The following MAST3 variants were observed in gnomAD, a reference collection of about 807,000 sequenced individuals.
The protein encoded by MAST3 is microtubule-associated serine/threonine-protein kinase 3.
MAST3 carries 43 observed loss-of-function variants against 127.0 expected under a neutral mutation model. The ratio of observed to expected loss-of-function variants is 0.34; its 90% CI spans 0.27 to 0.44. The LOEUF is 0.44. Ranked by LOEUF, MAST3 falls within the 20% of genes least tolerant of loss-of-function variation. The pLI is 1.00. For missense variants in MAST3, 1,390 were observed against 1,919.1 expected (o/e 0.72, Z 5.15); for synonymous variants, 785 against 809.2 (o/e 0.97, Z 0.51).
intron 18 of MAST3, among the ~76,000 whole-genome samples, chr19:18,136,696 G>A (rs1297554169): frequency 1.3e-5 from 2 of 152,164 alleles, no homozygotes; most frequent in East Asian, 1.9e-4. Flanking sequence ...CAAAGTGCTG[G>A]CATTACAGGC....
chr19:18,113,162 C>T (rs1307246331), intron 3 of MAST3, among the ~76,000 whole-genome samples: 10 of 152,040 alleles, frequency 6.6e-5, no homozygotes, highest in Admixed American at 6.6e-5. Flanking sequence ...CACTCACCAC[C>T]GGGGGGCAGC....
intron 3 of MAST3, chr19:18,118,113 C>T (rs2039510351): frequency 4.1e-6 from 4 of 985,276 alleles, no homozygotes; most frequent in East Asian, 1.1e-4. Context: ...ATCCCACCGC[C>T]GAGGCCTCCC....
At position 18,151,500 on chromosome 19, in the gene MAST3, A is replaced by G. The variant is rs1599950754; in HGVS notation, c.*1774A>G. 2 of 152,144 alleles carry G rather than the reference A, an allele frequency of 1.3e-5. No individual in the cohort carries two copies. Among genetic ancestry groups the G allele is most frequent in the African/African-American group, 4.8e-5 (2 of 41,408 alleles). 9.4% of individuals were successfully genotyped at this position (152,144 alleles called of 1,614,324 possible). A position where few individuals can be genotyped will look rare whatever the true frequency, so the allele number is the denominator to read the frequency against. ...CGACTCCAGCCCCAGCTCATCCCCC[A>G]TGATGCTGTGTGACCCACTGGGCAC... On this transcript the variant is annotated 3_prime_UTR_variant, in exon 28 of 28. Transcript: ENST00000687212.
At chr19:18,140,815 A>G (rs895012315) in intron 20 of MAST3, among the ~76,000 whole-genome samples, 1 of 152,102 alleles carries the variant, frequency 6.6e-6, no homozygotes, top group Non-Finnish European at 1.5e-5. Context: ...ATTTATTGAG[A>G]TGGAGTCTTG....
At chr19:18,103,763 T>C (rs769084894) in intron 1 of MAST3, among the ~76,000 whole-genome samples, 2 of 152,092 alleles carry the variant, frequency 1.3e-5, no homozygotes, top group Non-Finnish European at 2.9e-5. Flanking sequence ...AAGTCACTTG[T>C]CGGGTCACAC....
intron 17 of MAST3, 44 bp from the exon 18 acceptor site, chr19:18,135,696 C>T (rs1013180713): frequency 1.3e-5 from 19 of 1,446,870 alleles, no homozygotes; most frequent in Non-Finnish European, 1.6e-5. Context: ...GGGTACCCTG[C>T]CTTCTCCCTC....
intron 2 of MAST3, among the ~76,000 whole-genome samples, chr19:18,108,744 A>G (rs1599669531): frequency 2.6e-5 from 4 of 152,092 alleles, no homozygotes; most frequent in Admixed American, 2.6e-4. Context: ...GATGAAAGAA[A>G]CCAAAGGCCG....
In MAST3 at chr19:18,124,738, A is replaced by G. The variant is rs778333430; in HGVS notation, c.1042A>G (p.Ile348Val). 6.2e-7 allele frequency: 1 copy of G among 1,607,336 alleles called. No homozygotes were observed. The highest frequency in any genetic ancestry group is 2.2e-5 in the East Asian group (1 of 44,722). Residue 348 changes from isoleucine to valine, a missense_variant, in exon 11 of 28, where the codon ATT (isoleucine) becomes GTT (valine). By Grantham distance (29) the Ile-to-Val change is conservative. Transcript: ENST00000687212. ...TAAGACTGACCTTCCACAGTACATC[A>G]TTGGGCAGCTGGGCCTGGCCAAGGA... is the stretch of plus-strand genomic sequence containing the variant. ...GIKTDLPQYI[I>V]GQLGLAKDPL...
chr19:18,131,052 G>C (rs1166110840), intron 14 of MAST3, among the ~76,000 whole-genome samples: 1 of 152,226 alleles, frequency 6.6e-6, no homozygotes. Flanking sequence ...CCAGGCGAGA[G>C]AGCGAACATG....
At chr19:18,125,039 G>A (rs1259549852) in intron 11 of MAST3, among the ~76,000 whole-genome samples, 1 of 152,128 alleles carries the variant, frequency 6.6e-6, no homozygotes, top group Non-Finnish European at 1.5e-5. Flanking sequence ...CTCAGGAGAT[G>A]GAGGTTGCAG....
chr19:18,107,720 G>A, intron 2 of MAST3, 102 bp downstream of exon 2: 1 of 1,199,916 alleles, frequency 8.3e-7, no homozygotes, highest in Non-Finnish European at 1.2e-6. Context: ...AATAATTACA[G>A]CAACACATCT....
At chr19:18,125,239 C>T (rs1173659969) in intron 11 of MAST3, among the ~76,000 whole-genome samples, 2 of 152,206 alleles carry the variant, frequency 1.3e-5, no homozygotes, top group Non-Finnish European at 1.5e-5. Context: ...TATGCTGAGA[C>T]CCTCTGATCT....
At chr19:18,120,798 C>T (rs371735994) in intron 3 of MAST3, among the ~76,000 whole-genome samples, 2 of 152,058 alleles carry the variant, frequency 1.3e-5, no homozygotes, top group Non-Finnish European at 1.5e-5. Context: ...ACGATCTCAC[C>T]ACAACCTCCA....
chr19:18,116,251 G>A (rs2039233808), intron 3 of MAST3, among the ~76,000 whole-genome samples: 1 of 151,318 alleles, frequency 6.6e-6, no homozygotes. Context: ...GCACCACCAT[G>A]CCCAGCTATT....
At chr19:18,123,401 C>G (rs1278203124) in intron 7 of MAST3, 27 bp downstream of exon 7, 1 of 1,592,202 alleles carries the variant, frequency 6.3e-7, no homozygotes, top group African/African-American at 1.3e-5. Flanking sequence ...GGCCCCAGCC[C>G]CGGCCCCTCC....
chr19:18,103,837 T>C (rs1173348343), intron 1 of MAST3, among the ~76,000 whole-genome samples: 1 of 152,142 alleles, frequency 6.6e-6, no homozygotes, highest in Non-Finnish European at 1.5e-5. Context: ...AGGAAATGCC[T>C]GGATGGGGTG....
intron 3 of MAST3, among the ~76,000 whole-genome samples, chr19:18,115,662 C>T (rs1568556391): frequency 6.6e-6 from 1 of 152,248 alleles, no homozygotes; most frequent in East Asian, 1.9e-4. Context: ...CACTTTTCTC[C>T]ACAGCTTCAA....
At chr19:18,117,996 G>A (rs1188785201) in intron 3 of MAST3, 1 of 486,088 alleles carries the variant, frequency 2.1e-6, no homozygotes, top group East Asian at 1.5e-4. Flanking sequence ...CGCCTGGGCG[G>A]AGTTCCAGTC....
intron 15 of MAST3, among the ~76,000 whole-genome samples, chr19:18,133,008 C>A (rs1322240404): frequency 6.6e-6 from 1 of 151,862 alleles, no homozygotes; most frequent in Non-Finnish European, 1.5e-5. Flanking sequence ...GAGGCTGAGG[C>A]AGGAGAATCT....
Sources: allele counts gnomAD v4.1 joint callset (sites outside exome capture counted in the v4.1 genomes callset), GRCh38; gene constraint gnomAD v4.1.1; transcripts MANE v1.5; gene names NCBI Gene and HGNC (gene_info 2026-07-23, HGNC 2026-07-21).